WWC1: variants seen among roughly 807,000 people sequenced by gnomAD.
WWC1 encodes the protein protein KIBRA.
In WWC1, 55 loss-of-function variants were observed where a neutral mutation model predicts 138.4. The observed-to-expected ratio is 0.40, with a 90% CI of 0.32 to 0.50. WWC1 has a LOEUF of 0.50. Ranked by LOEUF, WWC1 falls within the 20% of genes least tolerant of loss-of-function variation. WWC1 has a pLI of 0.72. For missense variants in WWC1, 1,226 were observed against 1,420.4 expected (o/e 0.86, Z 2.20); for synonymous variants, 524 against 564.9 (o/e 0.93, Z 1.03).
At chr5:168,381,587 A>T (rs72828896) in intron 2 of WWC1, among the ~76,000 whole-genome samples, 14,150 of 152,144 alleles carry the variant, frequency 0.093, 921 homozygotes, top group Non-Finnish European at 0.15. Flanking sequence ...CTGGAGTAGG[A>T]TTGAAATTTT....
rs150256442 is a variant in WWC1, at chr5:168,357,615, C to T, written c.120-13809C>T. On this transcript the variant is annotated intron_variant, in intron 1 of 22. Coordinates refer to ENST00000265293, the MANE Select transcript of WWC1 (RefSeq NM_015238.3). Reference sequence around the variant, plus strand: ...GAGGACAATGCCCAGAAGTCATCCTCGCAGTATGAATGAATAATTCATATT... The same window carrying T: ...GAGGACAATGCCCAGAAGTCATCCTTGCAGTATGAATGAATAATTCATATT... 2.8e-3 allele frequency among the ~76,000 whole-genome samples: 426 copies of T among 152,114 alleles called. 1 individual carries two copies. Among genetic ancestry groups the T allele is most frequent in the Middle Eastern group, 0.01 (3 of 294 alleles).
At chr5:168,323,867 A>G (rs1188758317) in intron 1 of WWC1, among the ~76,000 whole-genome samples, 8 of 152,196 alleles carry the variant, frequency 5.3e-5, no homozygotes, top group Non-Finnish European at 1.2e-4. Context: ...GAAAAATCTT[A>G]AAATCATCAG....
intron 3 of WWC1, among the ~76,000 whole-genome samples, chr5:168,393,178 A>G (rs1337019963): frequency 6.6e-6 from 1 of 152,238 alleles, no homozygotes; most frequent in Admixed American, 6.5e-5. Context: ...TCCAGATAGA[A>G]CAGAGGAAAC....
intron 3 of WWC1, among the ~76,000 whole-genome samples, chr5:168,391,733 A>G (rs1450601860): frequency 3.8e-5 from 3 of 78,790 alleles, no homozygotes; most frequent in Non-Finnish European, 7.5e-5. Context: ...CAAAACTAGG[A>G]GTATCAGATA....
Position 168,467,926 on chromosome 5 carries a change from C to T in WWC1, c.3237C>T (p.Gly1079=), listed in dbSNP as rs1757435313. 6.2e-7 allele frequency: 1 copy of T among 1,614,202 alleles called. No individual in the cohort carries two copies. The highest frequency in any genetic ancestry group is 8.5e-7 in the Non-Finnish European group (1 of 1,180,040). ...CCAAGGATGTGCACAGGCTCCGAGG[C>T]CAGAGCTGTAAGGAACCCCCAGAAG... ...AAAKDVHRLR[G]QSCKEPPEVQ... The change falls in exon 22 of 23, where the codon GGC becomes GGT. Residue 1079 remains glycine, a synonymous_variant. Transcript: ENST00000265293.
At chr5:168,340,489 T>G (rs760058503) in intron 1 of WWC1, among the ~76,000 whole-genome samples, 41 of 148,516 alleles carry the variant, frequency 2.8e-4, no homozygotes, top group Non-Finnish European at 5.5e-4. Context: ...CATCCCCCAA[T>G]CTTCACTTCC....
At chr5:168,370,109 G>C (rs1776637128) in intron 1 of WWC1, among the ~76,000 whole-genome samples, 1 of 151,716 alleles carries the variant, frequency 6.6e-6, no homozygotes, top group Non-Finnish European at 1.5e-5. Context: ...ACATTGAGCA[G>C]GCTGGTCTCA....
intron 5 of WWC1, among the ~76,000 whole-genome samples, chr5:168,402,621 T>A (rs1330732170): frequency 6.6e-6 from 1 of 152,122 alleles, no homozygotes; most frequent in African/African-American, 2.4e-5. Context: ...TTCATTCTCT[T>A]CACCCCCCTT....
At chr5:168,356,766 G>A (rs548059149) in intron 1 of WWC1, among the ~76,000 whole-genome samples, 42 of 152,290 alleles carry the variant, frequency 2.8e-4, no homozygotes, top group African/African-American at 9.9e-4. Context: ...CTACCCAGTG[G>A]GTTATGCATT....
chr5:168,423,162 A>AAAAAAAAAAAAAAAAAAAAAAAAAAC (rs1561743499), intron 10 of WWC1, among the ~76,000 whole-genome samples: 1 of 108,692 alleles, frequency 9.2e-6, no homozygotes, highest in Non-Finnish European at 2.0e-5. Context: ...AAAAAAAAAA[A>AAAAAAAAAAAAAAAAAAAAAAAAAAC]AAAAAAAAAA....
intron 1 of WWC1, among the ~76,000 whole-genome samples, chr5:168,307,763 C>G (rs1770707183): frequency 6.6e-6 from 1 of 151,950 alleles, no homozygotes; most frequent in Non-Finnish European, 1.5e-5. Flanking sequence ...TGCCACCACA[C>G]CCAGCTAATT....
intron 1 of WWC1, among the ~76,000 whole-genome samples, chr5:168,357,632 A>C (rs1561653331): frequency 6.6e-6 from 1 of 152,088 alleles, no homozygotes; most frequent in Non-Finnish European, 1.5e-5. Context: ...TGAATGAATA[A>C]TTCATATTGT....
At position 168,408,577 on chromosome 5, in the gene WWC1, G is replaced by A. The variant is rs1779987775; in HGVS notation, c.791G>A (p.Ser264Asn). The A allele has an allele frequency of 1.2e-6, 2 of 1,614,222 alleles. No individual in the cohort carries two copies. Among genetic ancestry groups the A allele is most frequent in the Non-Finnish European group, 8.5e-7 (1 of 1,180,032 alleles). Residue 264 changes from serine (S) to asparagine (N), a missense_variant, in exon 7 of 23, where the codon AGC becomes AAC. Physicochemically the swap from Ser to Asn is conservative, Grantham distance 46 (BLOSUM62 1). Coordinates refer to ENST00000265293, the MANE Select transcript of WWC1 (RefSeq NM_015238.3). Reference protein sequence around the residue: ...GSHSDLWSSSSSLESSSFPLP... With the variant: ...GSHSDLWSSSNSLESSSFPLP... ...CACTCAGACCTGTGGTCCAGCAGCAGCTCTCTGGAGAGTTCGAGTTTCCCG... is the reference window on the plus strand; with the variant it reads ...CACTCAGACCTGTGGTCCAGCAGCAACTCTCTGGAGAGTTCGAGTTTCCCG...
chr5:168,444,527 G>A lies in WWC1; in HGVS notation c.2467G>A (p.Val823Met), dbSNP rs1755064330. The A allele has an allele frequency of 6.2e-7, 1 of 1,601,972 alleles. No individual in the cohort carries two copies. The highest frequency in any genetic ancestry group is 8.5e-7 in the Non-Finnish European group (1 of 1,173,764). Residue 823 changes from valine to methionine, a missense_variant, in exon 17 of 23, where the codon GTG becomes ATG. Val to Met is a conservative substitution (Grantham distance 21). Around this residue, in one of 3 missense-constraint regions of WWC1, gnomAD observed 1,016 missense variants for 1,153.9 expected, o/e 0.88. Coordinates refer to ENST00000265293, the MANE Select transcript of WWC1 (RefSeq NM_015238.3). The stretch of plus-strand genomic sequence containing the variant: ...GTCTGCTCTGTTGGAACAGACAGCA[G>A]TGGAGCTGGAGAAGAGGCAGGAGGG... ...AVSALLEQTA[V>M]ELEKRQEGRS...
At chr5:168,400,652 A>G (rs1317880600) in intron 5 of WWC1, among the ~76,000 whole-genome samples, 1 of 152,166 alleles carries the variant, frequency 6.6e-6, no homozygotes, top group Admixed American at 6.5e-5. Context: ...TACTCAAGAA[A>G]GGTTAGCTTA....
At chr5:168,445,403 TA>T (rs1477361625) in intron 17 of WWC1, among the ~76,000 whole-genome samples, 1 of 149,168 alleles carries the variant, frequency 6.7e-6, no homozygotes, top group African/African-American at 2.5e-5. Flanking sequence ...AAAAAATTTT[TA>T]AAATAATGGG....
intron 8 of WWC1, 73 bp downstream of exon 8, chr5:168,410,068 C>T (rs761335457): frequency 7.0e-7 from 1 of 1,420,554 alleles, no homozygotes; most frequent in Non-Finnish European, 9.9e-7. Flanking sequence ...CTGCTCTGTG[C>T]TTAGCTTTTC....
chr5:168,468,558 CT>C (rs1452478264), intron 22 of WWC1, among the ~76,000 whole-genome samples: 1 of 152,168 alleles, frequency 6.6e-6, no homozygotes, highest in Non-Finnish European at 1.5e-5. Flanking sequence ...GTACAACTAT[CT>C]TTGGGCATCT....
chr5:168,346,537 C>G (rs529123435), intron 1 of WWC1, among the ~76,000 whole-genome samples: 1 of 152,124 alleles, frequency 6.6e-6, no homozygotes, highest in Non-Finnish European at 1.5e-5. Flanking sequence ...CACCGATGCC[C>G]TTAGTAGGCG....
Sources: gnomAD v4.1 joint callset for allele counts (sites outside exome capture counted in the v4.1 genomes callset) on GRCh38, gnomAD v4.1.1 for gene constraint, gnomAD v4.1.1 regional missense constraint, MANE v1.5 for transcripts, NCBI Gene and HGNC (gene_info 2026-07-23, HGNC 2026-07-21) for gene names.